Variants in SLC39A12 observed in about 807,000 individuals in gnomAD.
SLC39A12 encodes the protein solute carrier family 39 member 12.
SLC39A12 carries 63 observed loss-of-function variants against 71.1 expected under a neutral mutation model. The observed-to-expected ratio is 0.89, with a 90% confidence interval of 0.72 to 1.09. The LOEUF is 1.09. SLC39A12 is among the 50% of genes least tolerant of loss of function. The pLI is 0.00. For synonymous variants in SLC39A12, 351 were observed against 301.3 expected, an observed-to-expected ratio of 1.16 and a Z score of -1.71; for missense variants, 892 against 812.6, an observed-to-expected ratio of 1.10 and a Z score of -1.19.
intron 4 of SLC39A12, among the ~76,000 whole-genome samples, chr10:17,974,738 G>T (rs1446050627): frequency 1.2e-4 from 18 of 152,106 alleles, no homozygotes; most frequent in Non-Finnish European, 2.5e-4. Flanking sequence ...ACAGCACTGG[G>T]TCTCACCCGA....
At position 17,965,812 on chromosome 10, in the gene SLC39A12, A is replaced by G; in HGVS notation, c.751+122A>G. 3.7e-6 allele frequency: 3 copies of G among 809,168 alleles called. No homozygotes were observed. The South Asian group carries it at 5.6e-5, about 15-fold the overall frequency. 50.1% of individuals were successfully genotyped at this position (809,168 alleles called of 1,614,324 possible). On this transcript the variant is annotated intron_variant, in intron 4 of 12. Coordinates refer to ENST00000377369, the MANE Select transcript of SLC39A12 (RefSeq NM_001145195.2). ...AGGTATGTTTTAAATACCATTTTTT[A>G]TAGAGTCATAAAGTCAGACAGCTTA... is the stretch of plus-strand genomic sequence containing the variant.
intron 12 of SLC39A12, among the ~76,000 whole-genome samples, chr10:18,023,014 G>A (rs1183264394): frequency 6.6e-6 from 1 of 152,094 alleles, no homozygotes; most frequent in Non-Finnish European, 1.5e-5. Flanking sequence ...CCTAGTTTTT[G>A]CATCCATGCC....
chr10:17,956,721 G>A (rs1454708597), intron 2 of SLC39A12, among the ~76,000 whole-genome samples: 2 of 152,180 alleles, frequency 1.3e-5, no homozygotes, highest in Non-Finnish European at 2.9e-5. Flanking sequence ...TCAAAGCAGA[G>A]AACCACTGCT....
At chr10:18,014,832 G>C (rs1836331033) in intron 12 of SLC39A12, among the ~76,000 whole-genome samples, 1 of 152,118 alleles carries the variant, frequency 6.6e-6, no homozygotes, top group Admixed American at 6.6e-5. Context: ...GACTAACACA[G>C]GTTTACAAAT....
intron 12 of SLC39A12, among the ~76,000 whole-genome samples, chr10:18,009,506 C>T (rs6482126): frequency 0.32 from 48,433 of 152,088 alleles, 10,768 homozygotes; most frequent in African/African-American, 0.63. Flanking sequence ...TCTCTTCCCC[C>T]ACCCTCACGT....
chr10:18,027,328 G>C (rs945662977), intron 12 of SLC39A12, among the ~76,000 whole-genome samples: 9 of 152,342 alleles, frequency 5.9e-5, no homozygotes, highest in South Asian at 2.1e-4. Context: ...ATTAGGCTTT[G>C]ATAAAACCCC....
intron 10 of SLC39A12, among the ~76,000 whole-genome samples, chr10:17,996,711 TG>T (rs1773354073): frequency 6.6e-6 from 1 of 152,188 alleles, no homozygotes; most frequent in Non-Finnish European, 1.5e-5. Context: ...GAAATGCTAA[TG>T]CACCGGCGGG....
At chr10:17,971,727 TTTTTCTTA>T (rs1834979844) in intron 4 of SLC39A12, among the ~76,000 whole-genome samples, 1 of 152,142 alleles carries the variant, frequency 6.6e-6, no homozygotes, top group Non-Finnish European at 1.5e-5. Context: ...CTTTTTTCTT[TTTTTCTTA>T]GTCTGCTTAA....
intron 10 of SLC39A12, among the ~76,000 whole-genome samples, chr10:17,995,936 G>A (rs1835672388): frequency 6.6e-6 from 1 of 152,154 alleles, no homozygotes; most frequent in Non-Finnish European, 1.5e-5. Context: ...CTTTAAAAAT[G>A]AAGTTTTTCT....
intron 9 of SLC39A12, 124 bp from the exon 10 acceptor site, chr10:17,995,532 C>T: frequency 1.3e-6 from 1 of 788,646 alleles, no homozygotes; most frequent in East Asian, 2.7e-5. Flanking sequence ...ACCTGAGGTT[C>T]TAATATACAT....
intron 6 of SLC39A12, among the ~76,000 whole-genome samples, chr10:17,986,891 G>A (rs1433454385): frequency 2.0e-5 from 3 of 152,134 alleles, no homozygotes; most frequent in African/African-American, 7.2e-5. Flanking sequence ...CGTAGTCCCA[G>A]CTGCTCGAGG....
At chr10:18,014,963 G>T (rs1189356692) in intron 12 of SLC39A12, among the ~76,000 whole-genome samples, 2 of 152,160 alleles carry the variant, frequency 1.3e-5, no homozygotes, top group African/African-American at 4.8e-5. Flanking sequence ...TGACTTCATG[G>T]TAAAGCACTA....
intron 12 of SLC39A12, among the ~76,000 whole-genome samples, chr10:18,030,508 G>T (rs1205642171): frequency 6.6e-6 from 1 of 151,700 alleles, no homozygotes; most frequent in Non-Finnish European, 1.5e-5. Context: ...CAAAGTGCTG[G>T]GATTACAGGC....
intron 12 of SLC39A12, among the ~76,000 whole-genome samples, chr10:18,015,216 T>C (rs886148003): frequency 8.5e-6 from 1 of 118,262 alleles, no homozygotes; most frequent in African/African-American, 2.9e-5. Flanking sequence ...CTAAGAACCA[T>C]ATTAAATCTA....
chr10:17,966,832 G>A (rs1228538398), intron 4 of SLC39A12, among the ~76,000 whole-genome samples: 1 of 151,914 alleles, frequency 6.6e-6, no homozygotes, highest in African/African-American at 2.4e-5. Flanking sequence ...AAATTAGCCA[G>A]GCGTGGTGGC....
chr10:18,003,476 T>C, intron 12 of SLC39A12, 118 bp downstream of exon 12: 1 of 930,576 alleles, frequency 1.1e-6, no homozygotes. Context: ...TAAAACAATA[T>C]AAACCATTAA....
chr10:17,994,737 A>G (rs1295323757), intron 9 of SLC39A12, among the ~76,000 whole-genome samples: 2 of 152,122 alleles, frequency 1.3e-5, no homozygotes, highest in Admixed American at 6.5e-5. Flanking sequence ...ACAGCCTATC[A>G]TTATCTTTTG....
At chr10:17,991,626 A>T (rs1460090300) in intron 8 of SLC39A12, among the ~76,000 whole-genome samples, 1 of 152,182 alleles carries the variant, frequency 6.6e-6, no homozygotes, top group Non-Finnish European at 1.5e-5. Context: ...TTCTTAACCT[A>T]AACAAATAAG....
chr10:18,034,400 A>G (rs1367942158), intron 12 of SLC39A12, among the ~76,000 whole-genome samples: 1 of 152,190 alleles, frequency 6.6e-6, no homozygotes, highest in African/African-American at 2.4e-5. Context: ...CTTTACCATT[A>G]TGTAATGGCC....
Sources: gnomAD v4.1 joint callset for allele counts (sites outside exome capture counted in the v4.1 genomes callset) on GRCh38, gnomAD v4.1.1 for gene constraint, MANE v1.5 for transcripts, NCBI Gene and HGNC (gene_info 2026-07-23, HGNC 2026-07-21) for gene names.